The following PRKG1 variants were observed in gnomAD, a reference collection of about 807,000 sequenced individuals.
The protein encoded by PRKG1 is cGMP-dependent protein kinase 1.
Under a neutral mutation model 88.1 loss-of-function variants are expected in PRKG1, and 35 were observed. The observed-to-expected ratio is 0.40, with a 90% CI of 0.30 to 0.53. The LOEUF (loss-of-function observed/expected upper bound fraction) is 0.53. PRKG1 is among the 20% of genes least tolerant of loss of function. PRKG1 has a pLI of 0.59. For synonymous variants in PRKG1, 303 were observed against 292.5 expected (o/e 1.04, Z -0.37); for missense variants, 540 against 839.8 (o/e 0.64, Z 4.41).
intron 3 of PRKG1, among the ~76,000 whole-genome samples, chr10:51,645,588 T>TA (rs1452253700): frequency 6.6e-6 from 1 of 152,206 alleles, no homozygotes; most frequent in Admixed American, 6.5e-5. Flanking sequence ...TGGAGTCTGA[T>TA]TAACTGATAA....
At chr10:50,994,778 A>G (rs1030192786) in intron 1 of PRKG1, among the ~76,000 whole-genome samples, 3 of 149,376 alleles carry the variant, frequency 2.0e-5, no homozygotes, top group South Asian at 4.2e-4. Context: ...TTCCACATCT[A>G]TGGATTCAAC....
At chr10:52,175,533 T>C (rs1030960603) in intron 9 of PRKG1, among the ~76,000 whole-genome samples, 2 of 152,144 alleles carry the variant, frequency 1.3e-5, no homozygotes, top group African/African-American at 4.8e-5. Context: ...CTGGATCATA[T>C]AGTCATTTTC....
intron 5 of PRKG1, among the ~76,000 whole-genome samples, chr10:51,924,799 C>T (rs1842537488): frequency 6.6e-6 from 1 of 150,424 alleles, no homozygotes; most frequent in African/African-American, 2.4e-5. Context: ...CTCACCAAGT[C>T]TTTCTTCAGC....
At chr10:52,144,565 C>T (rs1302772182) in intron 8 of PRKG1, among the ~76,000 whole-genome samples, 1 of 152,188 alleles carries the variant, frequency 6.6e-6, no homozygotes, top group Non-Finnish European at 1.5e-5. Flanking sequence ...AATCCCAGCA[C>T]TTTGGGAGGC....
chr10:52,014,373 T>A (rs1844979601), intron 5 of PRKG1, among the ~76,000 whole-genome samples: 1 of 151,976 alleles, frequency 6.6e-6, no homozygotes, highest in Non-Finnish European at 1.5e-5. Context: ...AACCATCAGA[T>A]CCCATGAGAA....
intron 3 of PRKG1, among the ~76,000 whole-genome samples, chr10:51,605,127 A>G (rs953339933): frequency 6.6e-6 from 1 of 152,156 alleles, no homozygotes; most frequent in Non-Finnish European, 1.5e-5. Context: ...TTGTTCTGCC[A>G]TCACTGGTCT....
intron 8 of PRKG1, among the ~76,000 whole-genome samples, chr10:52,139,484 G>A (rs1012787800): frequency 5.9e-5 from 9 of 152,016 alleles, no homozygotes; most frequent in African/African-American, 1.2e-4. Context: ...CTGTTACTGC[G>A]TTTATTCAGA....
At position 52,227,488 on chromosome 10, in the gene PRKG1, A is replaced by G. The variant is rs1197733453; in HGVS notation, c.1077-24082A>G. On this transcript the variant is annotated intron_variant, in intron 9 of 17. Transcript: ENST00000373980. ...GTTGTAAATAAAGCATTTACATTGT[A>G]TCTGTTATTATAAGTAATCTAGAGA... Among the ~76,000 whole-genome samples, 3 of 152,154 alleles carry G rather than the reference A, an allele frequency of 2.0e-5. 1 individual carries two copies. The highest frequency in any genetic ancestry group is 1.3e-4 in the Admixed American group (2 of 15,262).
chr10:51,828,728 G>A (rs906935283), intron 4 of PRKG1, among the ~76,000 whole-genome samples: 3 of 152,060 alleles, frequency 2.0e-5, no homozygotes, highest in Admixed American at 6.6e-5. Flanking sequence ...AGCAACAACT[G>A]GATAAATAGA....
At chr10:52,277,355 C>A (rs1841898746) in intron 12 of PRKG1, among the ~76,000 whole-genome samples, 2 of 152,132 alleles carry the variant, frequency 1.3e-5, no homozygotes, top group African/African-American at 4.8e-5. Context: ...CCAACCTCCA[C>A]CCTGAAAATA....
chr10:51,186,050 A>T (rs770308144), intron 2 of PRKG1, among the ~76,000 whole-genome samples: 7 of 151,874 alleles, frequency 4.6e-5, no homozygotes, highest in Non-Finnish European at 1.0e-4. Flanking sequence ...TTCCATATGC[A>T]TGTTTTGCTT....
At chr10:51,774,337 A>C (rs188217438) in intron 3 of PRKG1, among the ~76,000 whole-genome samples, 1 of 152,182 alleles carries the variant, frequency 6.6e-6, no homozygotes, top group African/African-American at 2.4e-5. Context: ...TAAACATATA[A>C]AAATTAAATG....
At chr10:51,469,835 G>C (rs537540332) in intron 3 of PRKG1, among the ~76,000 whole-genome samples, 1 of 152,034 alleles carries the variant, frequency 6.6e-6, no homozygotes, top group East Asian at 1.9e-4. Context: ...AAAGAGCCTA[G>C]AGTTGGTGAT....
intron 5 of PRKG1, among the ~76,000 whole-genome samples, chr10:51,970,473 C>A (rs1288380714): frequency 6.6e-6 from 1 of 150,930 alleles, no homozygotes; most frequent in Non-Finnish European, 1.5e-5. Flanking sequence ...ACTTTTAAAA[C>A]CTTGTTTTAT....
intron 1 of PRKG1, among the ~76,000 whole-genome samples, chr10:51,130,625 A>C (rs543875105): frequency 6.6e-6 from 1 of 152,252 alleles, no homozygotes; most frequent in African/African-American, 2.4e-5. Context: ...CTGGTTGAAC[A>C]ATAAAATATA....
At chr10:52,167,195 C>T (rs1838502881) in intron 9 of PRKG1, among the ~76,000 whole-genome samples, 2 of 151,920 alleles carry the variant, frequency 1.3e-5, no homozygotes, top group Non-Finnish European at 2.9e-5. Flanking sequence ...TGGAAGCTTC[C>T]AGTCATGGCA....
chr10:51,843,089 T>G (rs1840316928), intron 4 of PRKG1, among the ~76,000 whole-genome samples: 1 of 148,922 alleles, frequency 6.7e-6, no homozygotes, highest in Admixed American at 6.7e-5. Flanking sequence ...TTAGGAAAAT[T>G]ATTCTTTTTT....
chr10:51,002,148 A>G (rs1351279727), intron 1 of PRKG1, among the ~76,000 whole-genome samples: 7 of 152,144 alleles, frequency 4.6e-5, no homozygotes, highest in Non-Finnish European at 1.0e-4. Flanking sequence ...TGAGAGGAGA[A>G]AACAGAGAAA....
At chr10:51,568,318 C>T (rs1837660133) in intron 3 of PRKG1, 1 of 152,108 alleles carries the variant, frequency 6.6e-6, no homozygotes, top group Non-Finnish European at 1.5e-5. Flanking sequence ...ATCCGATACA[C>T]TCACTGTCTC....
Sources: allele counts gnomAD v4.1 joint callset (sites outside exome capture counted in the v4.1 genomes callset), GRCh38; gene constraint gnomAD v4.1.1; transcripts MANE v1.5; gene names NCBI Gene and HGNC (gene_info 2026-07-23, HGNC 2026-07-21).